The following ISOC2 variants were observed in gnomAD, a reference collection of about 807,000 sequenced individuals.
The protein encoded by ISOC2 is isochorismatase domain-containing protein 2.
ISOC2 carries 15 observed loss-of-function variants against 19.3 expected under a neutral mutation model. That is an observed-to-expected ratio of 0.78 (90% CI 0.52 to 1.20). The LOEUF (loss-of-function observed/expected upper bound fraction) is 1.20, where lower values mean the gene tolerates loss of function less well. Ranked by LOEUF, ISOC2 falls within the 50% of genes most tolerant of loss-of-function variation. The pLI, the probability that ISOC2 is intolerant of heterozygous loss-of-function variation, is 0.00. For missense variants in ISOC2, 285 were observed against 272.4 expected, an observed-to-expected ratio of 1.05 and a Z score of -0.33; for synonymous variants, 106 against 115.8, an observed-to-expected ratio of 0.92 and a Z score of 0.54.
At chr19:55,455,215 CCT>C (rs781344976) in intron 4 of ISOC2, 43 bp downstream of exon 4, 2 of 1,570,956 alleles carry the variant, frequency 1.3e-6, no homozygotes, top group African/African-American at 1.4e-5. Context: ...CCTGGGAGCC[CCT>C]GATGGCCCCC....
chr19:55,456,582 G>A, intron 1 of ISOC2, 93 bp from the exon 2 acceptor site: 1 of 1,498,962 alleles, frequency 6.7e-7, no homozygotes, highest in Non-Finnish European at 8.9e-7. Context: ...GAGCCTGGCA[G>A]GGCCCGGGGC....
intron 1 of ISOC2, among the ~76,000 whole-genome samples, chr19:55,458,780 T>C (rs4801649): frequency 0.62 from 93,569 of 151,612 alleles, 29,093 homozygotes; most frequent in African/African-American, 0.63. Context: ...CCCGCCTCAG[T>C]CTCCCAAAGT....
In ISOC2 at chr19:55,455,296, T is replaced by C. The variant is rs779830218; in HGVS notation, c.383A>G (p.Gln128Arg). 6.2e-6 allele frequency: 10 copies of C among 1,613,780 alleles called. 1 individual carries two copies. The South Asian group carries it at 1.1e-4, about 18-fold the overall frequency. ...GCAGGCGTCCACCACCACATGGACC[T>C]GCAGCCCCCGGTCTAGGAGGTCCAG... ...TTLDLLDRGLQVHVVVDACSS... is the reference protein window; with the variant it reads ...TTLDLLDRGLRVHVVVDACSS... The change falls in exon 4 of 6, where the codon CAG becomes CGG. Residue 128 changes from glutamine to arginine, a missense_variant. Gln to Arg is a conservative substitution (Grantham distance 43, BLOSUM62 1). Coordinates refer to ENST00000425675, the MANE Select transcript of ISOC2 (RefSeq NM_001136201.2).
Position 55,453,050 on chromosome 19 carries a change from C to T in ISOC2, c.*258G>A, listed in dbSNP as rs1985911183. On this transcript the variant is annotated 3_prime_UTR_variant, in exon 6 of 6. Coordinates refer to ENST00000425675, the MANE Select transcript of ISOC2 (RefSeq NM_001136201.2). ...CAGTCTGAGACTCTTCTTCCCCTCC[C>T]CTTCCCGCCCCGTGAAGTGGCCCGG... 2 of 445,990 alleles carry T rather than the reference C, an allele frequency of 4.5e-6. No individual in the cohort carries two copies. Among genetic ancestry groups the T allele is most frequent in the Non-Finnish European group, 7.9e-6 (2 of 251,988 alleles). 27.6% of individuals were successfully genotyped at this position (445,990 alleles called of 1,614,324 possible).
chr19:55,453,057 G>T lies in ISOC2; in HGVS notation c.*251C>A. ...AGACTCTTCTTCCCCTCCCCTTCCC[G>T]CCCCGTGAAGTGGCCCGGGGCCGAG... On this transcript the variant is annotated 3_prime_UTR_variant, in exon 6 of 6. Coordinates refer to ENST00000425675, the MANE Select transcript of ISOC2 (RefSeq NM_001136201.2). 1 of 409,244 alleles carries T rather than the reference G, an allele frequency of 2.4e-6. No homozygotes were observed. Among genetic ancestry groups the T allele is most frequent in the Non-Finnish European group, 4.4e-6 (1 of 228,936 alleles). 25.4% of individuals were successfully genotyped at this position (409,244 alleles called of 1,614,324 possible). A position where few individuals can be genotyped will look rare whatever the true frequency, so the allele number is the denominator to read the frequency against.
In ISOC2 at chr19:55,455,843, C is replaced by T; in HGVS notation, c.141G>A (p.Val47=). 1 of 1,535,386 alleles carries T rather than the reference C, an allele frequency of 6.5e-7. No homozygotes were observed. The highest frequency in any genetic ancestry group is 2.5e-5 in the East Asian group (1 of 40,396). ...IVSVAARMLK[V]ARLLEVPVML... ...TGACTGGCACCTCAAGCAGCCGGGCCACCTGTGCCAGTGATGGGGAAGAAA... is the reference window on the plus strand; with the variant it reads ...TGACTGGCACCTCAAGCAGCCGGGCTACCTGTGCCAGTGATGGGGAAGAAA... Residue 47 remains valine, a splice_region_variant and synonymous_variant, in exon 3 of 6, where the codon GTG becomes GTA. Transcript: ENST00000425675.
chr19:55,456,286 G>A (rs1986057075), intron 2 of ISOC2, 63 bp downstream of exon 2: 1 of 888,082 alleles, frequency 1.1e-6, no homozygotes, highest in Non-Finnish European at 1.8e-6. Context: ...CCTGGATCCT[G>A]GGTCTGAGGG....
intron 1 of ISOC2, among the ~76,000 whole-genome samples, chr19:55,458,076 A>G (rs1032960558): frequency 1.8e-4 from 27 of 151,794 alleles, no homozygotes; most frequent in African/African-American, 5.8e-4. Flanking sequence ...AAAAAAGAAA[A>G]GAAAGAAAAG....
intron 1 of ISOC2, chr19:55,460,173 A>C (rs1250888981): frequency 2.0e-5 from 3 of 152,234 alleles, no homozygotes; most frequent in African/African-American, 7.2e-5. Flanking sequence ...TGGTTACGTA[A>C]GTCATGCCAT....
At chr19:55,459,788 GT>G (rs200485732) in intron 1 of ISOC2, 8,404 of 152,364 alleles carry the variant, frequency 0.055, 310 homozygotes, top group Middle Eastern at 0.088. Context: ...CCAAGGGATG[GT>G]TCTGAGGGAA....
At position 55,455,278 on chromosome 19, in the gene ISOC2, T is replaced by A. The variant is rs148825727; in HGVS notation, c.401A>T (p.Asp134Val). 4.9e-5 allele frequency: 79 copies of A among 1,612,742 alleles called. No individual in the cohort carries two copies. The highest frequency in any genetic ancestry group is 1.7e-5 in the Admixed American group (1 of 59,812). Residue 134 changes from aspartate (D) to valine (V), a missense_variant, in exon 4 of 6, where the codon GAC becomes GTC. Physicochemically the swap from Asp to Val is radical, Grantham distance 152. Transcript: ENST00000425675. ...CTCTCACCTGCGTGAGGAGCAGGCG[T>A]CCACCACCACATGGACCTGCAGCCC... ...DRGLQVHVVV[D>V]ACSSRSQVDR...
chr19:55,453,941 G>A (rs1985959716), intron 5 of ISOC2: 1 of 152,144 alleles, frequency 6.6e-6, no homozygotes, highest in Non-Finnish European at 1.5e-5. Context: ...CCTCCTTACT[G>A]ACAGGTCTCC....
At position 55,453,047 on chromosome 19, in the gene ISOC2, T is replaced by A; in HGVS notation, c.*261A>T. ...CCACAGTCTGAGACTCTTCTTCCCC[T>A]CCCCTTCCCGCCCCGTGAAGTGGCC... On this transcript the variant is annotated 3_prime_UTR_variant, in exon 6 of 6. Transcript: ENST00000425675. 2.4e-6 allele frequency: 1 copy of A among 425,482 alleles called. No individual in the cohort carries two copies. Among genetic ancestry groups the A allele is most frequent in the Non-Finnish European group, 4.2e-6 (1 of 238,966 alleles). 26.4% of individuals were successfully genotyped at this position (425,482 alleles called of 1,614,324 possible). A position where few individuals can be genotyped will look rare whatever the true frequency, so the allele number is the denominator to read the frequency against.
intron 1 of ISOC2, among the ~76,000 whole-genome samples, chr19:55,458,516 G>C (rs1986135755): frequency 1.3e-5 from 2 of 151,582 alleles, no homozygotes; most frequent in Non-Finnish European, 2.9e-5. Context: ...TCAACAAGAA[G>C]CTGCTATTTT....
chr19:55,458,154 C>G (rs1986123150), intron 1 of ISOC2, among the ~76,000 whole-genome samples: 1 of 152,134 alleles, frequency 6.6e-6, no homozygotes. Context: ...GGGGAGGAAA[C>G]CTCGACCCAG....
Position 55,456,470 on chromosome 19 carries a change from G to C in ISOC2, c.17C>G (p.Pro6Arg). ...TCCTGGGAGGACTCGGCCCAGGCTGGGCCTGGCAGCCGCCATTTTCTGGGG... is the reference window on the plus strand; with the variant it reads ...TCCTGGGAGGACTCGGCCCAGGCTGCGCCTGGCAGCCGCCATTTTCTGGGG... MAAAR[P>R]SLGRVLPGSS... The change falls in exon 2 of 6, where the codon CCC (proline) becomes CGC (arginine). Residue 6 changes from proline to arginine, a missense_variant. Transcript: ENST00000425675. 1 of 1,613,612 alleles carries C rather than the reference G, an allele frequency of 6.2e-7. No homozygotes were observed. The highest frequency in any genetic ancestry group is 1.3e-5 in the African/African-American group (1 of 74,994).
In ISOC2 at chr19:55,455,229, C is replaced by G. The variant is rs573347176; in HGVS notation, c.419+31G>C. ...TCCTGGGAGCCCCTGATGGCCCCCACGTGCACCCACCCAGGCAGGGGCCCT... is the reference window on the plus strand; with the variant it reads ...TCCTGGGAGCCCCTGATGGCCCCCAGGTGCACCCACCCAGGCAGGGGCCCT... On this transcript the variant is annotated intron_variant, in intron 4 of 5. Transcript: ENST00000425675. The G allele has an allele frequency of 2.5e-6, 4 of 1,587,692 alleles. No individual in the cohort carries two copies. In the South Asian group the frequency reaches 3.4e-5, roughly 13 times the overall value.
intron 1 of ISOC2, among the ~76,000 whole-genome samples, chr19:55,459,552 A>G (rs1232626845): frequency 6.6e-6 from 1 of 152,052 alleles, no homozygotes; most frequent in Non-Finnish European, 1.5e-5. Flanking sequence ...CCTGTCTCAA[A>G]CTGTCCCCTG....
chr19:55,454,786 T>G, intron 5 of ISOC2: 22 of 564,268 alleles, frequency 3.9e-5, no homozygotes, highest in East Asian at 6.0e-5. Context: ...CTCCCCCATT[T>G]TATTGTTCTC....
Sources: allele counts gnomAD v4.1 joint callset (sites outside exome capture counted in the v4.1 genomes callset), GRCh38; gene constraint gnomAD v4.1.1; transcripts MANE v1.5; gene names NCBI Gene and HGNC (gene_info 2026-07-23, HGNC 2026-07-21).